The following SRGAP1 variants were observed in gnomAD, a reference collection of about 807,000 sequenced individuals.
SRGAP1 encodes SLIT-ROBO Rho GTPase activating protein 1.
SRGAP1 carries 43 observed loss-of-function variants against 121.9 expected under a neutral mutation model. The observed-to-expected ratio is 0.35, with a 90% CI of 0.28 to 0.46. The LOEUF (loss-of-function observed/expected upper bound fraction) is 0.46. Ranked by LOEUF, SRGAP1 falls within the 20% of genes least tolerant of loss-of-function variation. The probability of loss-of-function intolerance (pLI) is 1.00; values close to 1 mark genes in which losing one functional copy is unlikely to be tolerated. For missense variants in SRGAP1, 1,102 were observed against 1,350.9 expected, an observed-to-expected ratio of 0.82 and a Z score of 2.89; for synonymous variants, 447 against 485.4, an observed-to-expected ratio of 0.92 and a Z score of 1.04.
chr12:64,150,410 C>A lies in SRGAP1; in HGVS notation c.*7738C>A, dbSNP rs181061252. On this transcript the variant is annotated 3_prime_UTR_variant, in exon 22 of 22. Transcript: ENST00000355086. ...CTTGGCTGTGCAGCTGAAGTTAGGA[C>A]TTTTGATGAATTACCCTCTCAATGA... The A allele has an allele frequency of 1.1e-4, 16 of 152,244 alleles. No homozygotes were observed. The highest frequency in any genetic ancestry group is 3.4e-4 in the African/African-American group (14 of 41,532). The allele number at this position is 152,244 out of a possible 1,614,324, so 9.4% of individuals were successfully genotyped here.
At chr12:64,044,661 C>T (rs569174012) in intron 6 of SRGAP1, among the ~76,000 whole-genome samples, 3 of 111,308 alleles carry the variant, frequency 2.7e-5, no homozygotes, top group African/African-American at 9.1e-5. Context: ...CTTATTAACA[C>T]TCTGATGTGC....
intron 1 of SRGAP1, among the ~76,000 whole-genome samples, chr12:63,946,705 G>A (rs778945718): frequency 1.1e-4 from 17 of 151,840 alleles, no homozygotes; most frequent in Non-Finnish European, 1.6e-4. Flanking sequence ...CACCATGCCC[G>A]GCTAATTTTT....
intron 1 of SRGAP1, among the ~76,000 whole-genome samples, chr12:63,952,871 C>G (rs1293695355): frequency 1.3e-5 from 2 of 152,032 alleles, no homozygotes; most frequent in East Asian, 3.9e-4. Context: ...TTTTCGAACT[C>G]CTGGCCTCAA....
At chr12:63,857,098 T>G (rs1899276372) in intron 1 of SRGAP1, among the ~76,000 whole-genome samples, 1 of 149,406 alleles carries the variant, frequency 6.7e-6, no homozygotes, top group African/African-American at 2.5e-5. Flanking sequence ...CTTTTTTTTT[T>G]TTTGAGATGG....
chr12:64,125,905 G>A, intron 18 of SRGAP1, 72 bp from the exon 19 acceptor site: 1 of 1,501,936 alleles, frequency 6.7e-7, no homozygotes, highest in Non-Finnish European at 9.1e-7. Flanking sequence ...GCCTCATAGA[G>A]CCCTCACAGA....
intron 1 of SRGAP1, among the ~76,000 whole-genome samples, chr12:63,921,218 A>G (rs977315902): frequency 6.6e-6 from 1 of 152,206 alleles, no homozygotes; most frequent in Non-Finnish European, 1.5e-5. Context: ...GATCACTCTA[A>G]TGCCAGCTAC....
chr12:63,891,649 C>T (rs553406664), intron 1 of SRGAP1, among the ~76,000 whole-genome samples: 1 of 152,148 alleles, frequency 6.6e-6, no homozygotes, highest in South Asian at 2.1e-4. Context: ...TTAGTATATT[C>T]AGTAAAAATA....
chr12:64,076,094 T>G (rs1424470681), intron 8 of SRGAP1, among the ~76,000 whole-genome samples: 1 of 152,158 alleles, frequency 6.6e-6, no homozygotes, highest in Admixed American at 6.5e-5. Context: ...TTTTGAACAG[T>G]AATAAAATCC....
intron 11 of SRGAP1, among the ~76,000 whole-genome samples, chr12:64,087,746 TAAA>T (rs2035975986): frequency 6.6e-6 from 1 of 151,922 alleles, no homozygotes; most frequent in African/African-American, 2.4e-5. Context: ...AAAATAAAAA[TAAA>T]AAATAAAAAT....
chr12:64,038,283 A>G (rs1201557577), intron 4 of SRGAP1, among the ~76,000 whole-genome samples: 1 of 152,190 alleles, frequency 6.6e-6, no homozygotes, highest in Non-Finnish European at 1.5e-5. Context: ...ATATCTGTAT[A>G]TATTGTATAC....
chr12:63,999,771 T>C (rs951865728), intron 3 of SRGAP1, among the ~76,000 whole-genome samples: 7 of 151,914 alleles, frequency 4.6e-5, no homozygotes, highest in Non-Finnish European at 8.8e-5. Context: ...AGGAGAGAGA[T>C]CAAGACTAGA....
chr12:63,955,804 GA>G (rs1222438366), intron 1 of SRGAP1, among the ~76,000 whole-genome samples: 3 of 151,902 alleles, frequency 2.0e-5, no homozygotes, highest in East Asian at 3.9e-4. Context: ...TTTGGGATAG[GA>G]AAAAAACTTT....
rs7964863 is a variant in SRGAP1, at chr12:64,150,167, C to G, written c.*7495C>G. 71,886 of 149,536 alleles carry G rather than the reference C, an allele frequency of 0.48. 18,000 individuals are homozygous for G. Among genetic ancestry groups the G allele is most frequent in the Middle Eastern group, 0.59 (172 of 290 alleles). 9.3% of individuals were successfully genotyped at this position (149,536 alleles called of 1,614,324 possible). ...GTGCACGTGTGTGGGTGGGAGGGTGCGGAGGGGTTGGGAAGAGAGATTGCT... is the reference window on the plus strand; with the variant it reads ...GTGCACGTGTGTGGGTGGGAGGGTGGGGAGGGGTTGGGAAGAGAGATTGCT... On this transcript the variant is annotated 3_prime_UTR_variant, in exon 22 of 22. Transcript: ENST00000355086.
intron 3 of SRGAP1, among the ~76,000 whole-genome samples, chr12:63,992,364 G>A: frequency 6.6e-6 from 1 of 152,174 alleles, no homozygotes; most frequent in East Asian, 1.9e-4. Flanking sequence ...TTCAAGAGCA[G>A]GCTCTCCATT....
At chr12:63,989,123 A>T (rs558748407) in intron 2 of SRGAP1, among the ~76,000 whole-genome samples, 3 of 152,326 alleles carry the variant, frequency 2.0e-5, no homozygotes, top group South Asian at 2.1e-4. Context: ...AAAATTTTTT[A>T]AAAAGTAATT....
chr12:64,001,900 A>G (rs1163889591), intron 3 of SRGAP1, among the ~76,000 whole-genome samples: 2 of 152,232 alleles, frequency 1.3e-5, no homozygotes, highest in Non-Finnish European at 2.9e-5. Flanking sequence ...TTGACTAAGT[A>G]TACTCCACCA....
chr12:64,100,668 G>A (rs2036239158), intron 15 of SRGAP1, among the ~76,000 whole-genome samples: 1 of 152,088 alleles, frequency 6.6e-6, no homozygotes, highest in African/African-American at 2.4e-5. Flanking sequence ...CAGAATGGCA[G>A]GTGTTTCAAA....
chr12:64,103,868 A>T (rs2036297807), intron 15 of SRGAP1, among the ~76,000 whole-genome samples: 1 of 152,242 alleles, frequency 6.6e-6, no homozygotes, highest in Admixed American at 6.5e-5. Flanking sequence ...ACAATTATAT[A>T]CAAAGGTTTG....
chr12:64,025,601 G>T (rs929950640), intron 4 of SRGAP1, among the ~76,000 whole-genome samples: 19 of 152,072 alleles, frequency 1.2e-4, no homozygotes, highest in Non-Finnish European at 5.9e-5. Flanking sequence ...TATGTAAAAC[G>T]CTCCCAAACT....
Sources: gnomAD v4.1 joint callset for allele counts (sites outside exome capture counted in the v4.1 genomes callset) on GRCh38, gnomAD v4.1.1 for gene constraint, MANE v1.5 for transcripts, NCBI Gene and HGNC (gene_info 2026-07-23, HGNC 2026-07-21) for gene names.